Variants in ANKRD31 observed in about 807,000 individuals in gnomAD.
ANKRD31 encodes the protein ankyrin repeat domain 31, also known as ankyrin repeat domain-containing protein 31.
Under a neutral mutation model 186.0 loss-of-function variants are expected in ANKRD31, and 147 were observed. The observed-to-expected ratio is 0.79, with a 90% confidence interval of 0.69 to 0.91. The LOEUF (loss-of-function observed/expected upper bound fraction) is 0.91. Among genes scored for constraint, ANKRD31 ranks in the 40% least tolerant of loss-of-function variants. The pLI is 0.00. For synonymous variants in ANKRD31, 673 were observed against 736.4 expected (o/e 0.91, Z 1.39); for missense variants, 1,986 against 2,148.8 (o/e 0.92, Z 1.50).
chr5:75,144,156 T>C lies in ANKRD31; in HGVS notation c.3440A>G (p.Asn1147Ser). The part of the protein sequence containing the change: ...ISHKPDEELT[N>S]NISGDEITIR... ...AGTTATTTCATCTCCACTGATGTTATTAGTTAATTCCTCATCTGAAACAAA... is the reference window on the plus strand; with the variant it reads ...AGTTATTTCATCTCCACTGATGTTACTAGTTAATTCCTCATCTGAAACAAA... The change falls in exon 15 of 26, where the codon AAT becomes AGT. Residue 1147 changes from asparagine to serine, a missense_variant. By Grantham distance (46) the Asn-to-Ser change is conservative. Coordinates refer to ENST00000506364, the MANE Select transcript of ANKRD31 (RefSeq NM_001372053.1). The C allele has an allele frequency of 2.5e-6, 1 of 397,272 alleles. No individual in the cohort carries two copies. 24.6% of individuals were successfully genotyped at this position (397,272 alleles called of 1,614,324 possible). A position where few individuals can be genotyped will look rare whatever the true frequency, so the allele number is the denominator to read the frequency against.
intron 5 of ANKRD31, among the ~76,000 whole-genome samples, chr5:75,202,252 C>T (rs1175153714): frequency 3.3e-5 from 5 of 152,086 alleles, no homozygotes; most frequent in South Asian, 2.1e-4. Flanking sequence ...TTCTCGTTGA[C>T]GAAATGATCA....
intron 16 of ANKRD31, 50 bp downstream of exon 16, chr5:75,138,796 A>G: frequency 1.3e-6 from 2 of 1,518,018 alleles, no homozygotes; most frequent in South Asian, 1.2e-5. Context: ...TGAAATGTGT[A>G]TTTCAGTGAG....
At chr5:75,144,374 A>G (rs1751275829) in intron 14 of ANKRD31, among the ~76,000 whole-genome samples, 3 of 152,150 alleles carry the variant, frequency 2.0e-5, no homozygotes, top group Non-Finnish European at 4.4e-5. Context: ...AGTTGAAATG[A>G]ATAGACCTAA....
At position 75,119,491 on chromosome 5, in the gene ANKRD31, A is replaced by G. The variant is rs116372982; in HGVS notation, c.3877-1194T>C. ...ATGTGTACCACATCTTATTTATCCA[A>G]TTCACCAATGATGGTCACCTTGGGT... On this transcript the variant is annotated intron_variant, in intron 17 of 25. Coordinates refer to ENST00000506364, the MANE Select transcript of ANKRD31 (RefSeq NM_001372053.1). 7.6e-3 allele frequency among the ~76,000 whole-genome samples: 1,162 copies of G among 152,286 alleles called. 3 individuals carry two copies. Among genetic ancestry groups the G allele is most frequent in the Non-Finnish European group, 0.012 (827 of 68,020 alleles).
chr5:75,081,335 A>C (rs1461034589), intron 24 of ANKRD31, among the ~76,000 whole-genome samples: 1 of 152,190 alleles, frequency 6.6e-6, no homozygotes, highest in African/African-American at 2.4e-5. Context: ...ATGGCGCAGT[A>C]ACATAAAAAT....
Position 75,146,501 on chromosome 5 carries a change from T to C in ANKRD31, c.2910A>G (p.Glu970=). The C allele has an allele frequency of 6.5e-7, 1 of 1,536,518 alleles. No individual in the cohort carries two copies. The highest frequency in any genetic ancestry group is 8.7e-7 in the Non-Finnish European group (1 of 1,146,446). The change falls in exon 14 of 26, where the codon GAA becomes GAG. Residue 970 remains glutamate, a synonymous_variant. Transcript: ENST00000506364. ...AVSLTTLPEQ[E]AVNFSYSDNA... is the part of the protein sequence containing the mutation. ...TATCTGAATAAGAAAAATTAACAGC[T>C]TCCTGTTCTGGAAGTGTGGTTAGGC... is the stretch of plus-strand genomic sequence containing the variant.
At position 75,115,139 on chromosome 5, in the gene ANKRD31, G is replaced by C. The variant is rs911915617; in HGVS notation, c.4155+1427C>G. ...ACTATCTGATCTTTGACAAACCTGAGAAAAACAAGCAATGGGGAAAGGATT... is the reference window on the plus strand; with the variant it reads ...ACTATCTGATCTTTGACAAACCTGACAAAAACAAGCAATGGGGAAAGGATT... On this transcript the variant is annotated intron_variant, in intron 19 of 25. Coordinates refer to ENST00000506364, the MANE Select transcript of ANKRD31 (RefSeq NM_001372053.1). Among the ~76,000 whole-genome samples the C allele has an allele frequency of 1.5e-4, 22 of 149,470 alleles. No individual in the cohort carries two copies. In the East Asian group the frequency reaches 2.8e-3, roughly 19 times the overall value.
At chr5:75,115,073 G>A in intron 19 of ANKRD31, among the ~76,000 whole-genome samples, 1 of 151,858 alleles carries the variant, frequency 6.6e-6, no homozygotes, top group African/African-American at 2.4e-5. Flanking sequence ...TAGATCAATG[G>A]AACAGAACAG....
At chr5:75,160,262 G>C (rs1752482791) in intron 11 of ANKRD31, among the ~76,000 whole-genome samples, 1 of 151,930 alleles carries the variant, frequency 6.6e-6, no homozygotes, top group African/African-American at 2.4e-5. Context: ...ACTGGAAAAA[G>C]GTTAGCATAA....
chr5:75,154,763 T>A (rs1377204381), intron 11 of ANKRD31, among the ~76,000 whole-genome samples: 1 of 152,104 alleles, frequency 6.6e-6, no homozygotes, highest in African/African-American at 2.4e-5. Context: ...GGTTCTGTAG[T>A]AGTAAATATA....
In ANKRD31 at chr5:75,171,053, T is replaced by TA. The variant is rs201732139; in HGVS notation, c.1565-1933dup. 3.0e-4 allele frequency among the ~76,000 whole-genome samples: 45 copies of TA among 151,336 alleles called. No homozygotes were observed. In the East Asian group the frequency reaches 6.2e-3, roughly 21 times the overall value. ...ATTTATGAGGATTTTAACATCTCTC[T>TA]AAAAAAAAATGGATCAATGAGACAT... is the stretch of plus-strand genomic sequence containing the variant. On this transcript the variant is annotated intron_variant, in intron 10 of 25. Transcript: ENST00000506364.
intron 1 of ANKRD31, among the ~76,000 whole-genome samples, chr5:75,233,850 G>A (rs1457220056): frequency 6.6e-6 from 1 of 152,022 alleles, no homozygotes; most frequent in Non-Finnish European, 1.5e-5. Context: ...TGGGTGGATG[G>A]AAGCTGCCGT....
At chr5:75,235,000 T>C (rs574140488) in intron 1 of ANKRD31, among the ~76,000 whole-genome samples, 4 of 152,172 alleles carry the variant, frequency 2.6e-5, no homozygotes, top group Non-Finnish European at 5.9e-5. Flanking sequence ...ACCTCTGTAA[T>C]ACACTAAATT....
intron 25 of ANKRD31, among the ~76,000 whole-genome samples, chr5:75,079,394 A>G (rs989413409): frequency 1.3e-5 from 2 of 152,074 alleles, no homozygotes; most frequent in Non-Finnish European, 2.9e-5. Flanking sequence ...ATTCTTTATG[A>G]TTTCTCATAA....
intron 25 of ANKRD31, among the ~76,000 whole-genome samples, chr5:75,075,283 G>C (rs1744540347): frequency 6.6e-6 from 1 of 152,038 alleles, no homozygotes; most frequent in Non-Finnish European, 1.5e-5. Context: ...ATGGCCTATG[G>C]GTATGGTTTT....
At chr5:75,071,603 C>T (rs1350761799) in intron 25 of ANKRD31, among the ~76,000 whole-genome samples, 1 of 151,284 alleles carries the variant, frequency 6.6e-6, no homozygotes, top group African/African-American at 2.4e-5. Context: ...TCAAGCAATG[C>T]TCTTGCCTCA....
At chr5:75,190,386 C>A (rs966347670) in intron 9 of ANKRD31, among the ~76,000 whole-genome samples, 5 of 152,026 alleles carry the variant, frequency 3.3e-5, no homozygotes, top group Non-Finnish European at 7.4e-5. Flanking sequence ...CTTATAATGT[C>A]TTTGATTTTG....
intron 15 of ANKRD31, among the ~76,000 whole-genome samples, chr5:75,141,338 G>A (rs1273535463): frequency 1.3e-5 from 2 of 150,406 alleles, no homozygotes; most frequent in East Asian, 3.9e-4. Context: ...GAAAACTTAT[G>A]TGTGTGTGTG....
At chr5:75,201,536 C>A (rs1022104025) in intron 5 of ANKRD31, among the ~76,000 whole-genome samples, 1 of 152,174 alleles carries the variant, frequency 6.6e-6, no homozygotes, top group Non-Finnish European at 1.5e-5. Flanking sequence ...AAAGAGATTT[C>A]ACTTTTCTTC....
Sources: gnomAD v4.1 joint callset for allele counts (sites outside exome capture counted in the v4.1 genomes callset) on GRCh38, gnomAD v4.1.1 for gene constraint, MANE v1.5 for transcripts, NCBI Gene and HGNC (gene_info 2026-07-23, HGNC 2026-07-21) for gene names.